PCDH11X: variants seen among roughly 807,000 people sequenced by gnomAD.
PCDH11X encodes the protein protocadherin 11 X-linked.
Under a neutral mutation model 53.3 loss-of-function variants are expected in PCDH11X, and 18 were observed. That is an observed-to-expected ratio of 0.34 (90% confidence interval 0.23 to 0.50). PCDH11X has a LOEUF of 0.50. Ranked by LOEUF, PCDH11X falls within the 20% of genes least tolerant of loss-of-function variation. PCDH11X has a pLI of 0.98. For synonymous variants in PCDH11X, 279 were observed against 393.3 expected, an observed-to-expected ratio of 0.71 and a Z score of 3.44; for missense variants, 570 against 1,032.4, an observed-to-expected ratio of 0.55 and a Z score of 6.14.
intron 5 of PCDH11X, among the ~76,000 whole-genome samples, chrX:91,870,535 A>C (rs774105603): frequency 9.1e-6 from 1 of 110,493 alleles, no homozygotes; most frequent in African/African-American, 3.3e-5. Flanking sequence ...CAATGACAGA[A>C]ATTCCTATTC....
chrX:92,218,173 A>G (rs1206487760), intron 7 of PCDH11X, among the ~76,000 whole-genome samples: 1 of 110,869 alleles, frequency 9.0e-6, no homozygotes, highest in East Asian at 2.8e-4. Context: ...AAAAGCTAGC[A>G]GAAGGCAAGA....
At chrX:91,982,713 T>C (rs2062160625) in intron 6 of PCDH11X, 1 of 1,006,973 alleles carries the variant, frequency 9.9e-7, no homozygotes, top group Admixed American at 2.2e-5. Flanking sequence ...GTTCTTGCCA[T>C]CCAGAAGAGC....
At chrX:91,829,633 CTT>C (rs1231245777) in intron 4 of PCDH11X, among the ~76,000 whole-genome samples, 1 of 111,075 alleles carries the variant, frequency 9.0e-6, no homozygotes, top group Non-Finnish European at 1.9e-5. Flanking sequence ...GTTTCTTTCT[CTT>C]TTCTTTTGCA....
intron 10 of PCDH11X, among the ~76,000 whole-genome samples, chrX:92,604,171 G>A (rs1344940115): frequency 9.1e-6 from 1 of 109,364 alleles, no homozygotes; most frequent in Non-Finnish European, 1.9e-5. Flanking sequence ...GAACAAAATT[G>A]TAAAATAGGA....
At chrX:92,117,152 C>T (rs1285162805) in intron 6 of PCDH11X, among the ~76,000 whole-genome samples, 1 of 108,287 alleles carries the variant, frequency 9.2e-6, no homozygotes, top group Non-Finnish European at 1.9e-5. Flanking sequence ...AACAGTAATA[C>T]TGTGGTAGGC....
intron 8 of PCDH11X, among the ~76,000 whole-genome samples, chrX:92,295,192 C>T (rs1335779423): frequency 9.1e-6 from 1 of 110,224 alleles, no homozygotes; most frequent in East Asian, 2.9e-4. Flanking sequence ...AAGCACTGAA[C>T]TGTAAGTAAT....
intron 9 of PCDH11X, among the ~76,000 whole-genome samples, chrX:92,425,051 G>A (rs1231957021): frequency 1.3e-5 from 1 of 78,165 alleles, no homozygotes; most frequent in Non-Finnish European, 3.3e-5. Context: ...GGTTCTAGAA[G>A]TGTTGGAGAA....
intron 2 of PCDH11X, among the ~76,000 whole-genome samples, chrX:91,810,165 C>T (rs1045620137): frequency 6.3e-5 from 7 of 110,852 alleles, no homozygotes; most frequent in Non-Finnish European, 1.3e-4. Flanking sequence ...ATTTTAATAG[C>T]TTATTCCCTG....
At chrX:91,972,940 A>G (rs1212332166) in intron 6 of PCDH11X, among the ~76,000 whole-genome samples, 1 of 111,066 alleles carries the variant, frequency 9.0e-6, no homozygotes, top group Non-Finnish European at 1.9e-5. Context: ...ATTACTGGGT[A>G]TATACCCAAA....
intron 6 of PCDH11X, among the ~76,000 whole-genome samples, chrX:91,898,103 G>C (rs1181371210): frequency 9.0e-6 from 1 of 111,476 alleles, no homozygotes; most frequent in Admixed American, 9.6e-5. Context: ...AGGAGTAAAT[G>C]AGATAGTATA....
intron 5 of PCDH11X, among the ~76,000 whole-genome samples, chrX:91,869,730 A>G (rs1247241497): frequency 1.8e-5 from 2 of 111,036 alleles, no homozygotes; most frequent in African/African-American, 6.5e-5. Context: ...AATATTTTCA[A>G]ATAAATGAAA....
intron 6 of PCDH11X, among the ~76,000 whole-genome samples, chrX:91,908,122 A>G (rs1941246510): frequency 8.9e-6 from 1 of 111,984 alleles, no homozygotes; most frequent in Non-Finnish European, 1.9e-5. Flanking sequence ...CAAAGATTTC[A>G]TTATGAAAAT....
chrX:91,983,564 C>T (rs920586709), intron 6 of PCDH11X: 646 of 453,596 alleles, frequency 1.4e-3, no homozygotes, highest in Non-Finnish European at 2.2e-3. Context: ...GGCTGCCGTG[C>T]GGAGGCAGAG....
chrX:92,301,818 T>C (rs2068731159), intron 8 of PCDH11X, among the ~76,000 whole-genome samples: 1 of 110,363 alleles, frequency 9.1e-6, no homozygotes, highest in Non-Finnish European at 1.9e-5. Context: ...CTCTTCTATT[T>C]TTTAAGGGGA....
intron 6 of PCDH11X, among the ~76,000 whole-genome samples, chrX:92,103,402 G>A (rs1164700768): frequency 6.3e-5 from 7 of 110,925 alleles, no homozygotes; most frequent in Non-Finnish European, 1.3e-4. Context: ...GGTAGCCTCC[G>A]TATTGATTAA....
intron 6 of PCDH11X, among the ~76,000 whole-genome samples, chrX:92,109,583 C>T (rs1176169425): frequency 4.5e-5 from 5 of 111,369 alleles, no homozygotes; most frequent in Admixed American, 3.8e-4. Flanking sequence ...ATCTCAAGCA[C>T]TGATCTTAGG....
intron 4 of PCDH11X, among the ~76,000 whole-genome samples, chrX:91,823,945 G>A (rs1189928235): frequency 9.1e-6 from 1 of 110,048 alleles, no homozygotes; most frequent in East Asian, 2.9e-4. Context: ...GCTTAGTTTG[G>A]CTGGATATGA....
At chrX:92,155,551 T>A (rs1406477229) in intron 6 of PCDH11X, among the ~76,000 whole-genome samples, 1 of 97,049 alleles carries the variant, frequency 1.0e-5, no homozygotes, top group Non-Finnish European at 2.0e-5. Flanking sequence ...TCTCGCTCCT[T>A]ATCACCTCTA....
intron 6 of PCDH11X, among the ~76,000 whole-genome samples, chrX:92,155,781 C>G (rs2065522735): frequency 9.1e-6 from 1 of 109,544 alleles, no homozygotes; most frequent in African/African-American, 3.3e-5. Flanking sequence ...GGCCCGCCAC[C>G]GCGCCCGGCT....
Sources: allele counts gnomAD v4.1 joint callset (sites outside exome capture counted in the v4.1 genomes callset), GRCh38; gene constraint gnomAD v4.1.1; transcripts MANE v1.5; gene names NCBI Gene and HGNC (gene_info 2026-07-23, HGNC 2026-07-21).